PCDHGA4: variants seen among roughly 807,000 people sequenced by gnomAD.
PCDHGA4 encodes protocadherin gamma subfamily A, 4.
In PCDHGA4, 38 loss-of-function variants were observed where a neutral mutation model predicts 54.6. The ratio of observed to expected loss-of-function variants is 0.70; its 90% CI spans 0.54 to 0.91. The LOEUF (loss-of-function observed/expected upper bound fraction) is 0.91, where lower values mean the gene tolerates loss of function less well. Ranked by LOEUF, PCDHGA4 falls within the 40% of genes least tolerant of loss-of-function variation. The pLI is 0.00. For synonymous variants in PCDHGA4, 511 were observed against 512.9 expected (o/e 1.00, Z 0.05); for missense variants, 1,298 against 1,220.9 (o/e 1.06, Z -0.94).
chr5:141,444,194 G>A (rs1209269773), intron 1 of PCDHGA4, among the ~76,000 whole-genome samples: 1 of 67,352 alleles, frequency 1.5e-5, no homozygotes, highest in Non-Finnish European at 2.7e-5. Flanking sequence ...TTTTTGAGAT[G>A]GAGTTTCACT....
At chr5:141,403,378 T>G in intron 1 of PCDHGA4, 5 of 1,614,002 alleles carry the variant, frequency 3.1e-6, no homozygotes, top group Non-Finnish European at 4.2e-6. Context: ...AAGTAAAAAT[T>G]AACGAAATCG....
Position 141,477,289 on chromosome 5 carries a change from T to G in PCDHGA4, c.2515-17518T>G, listed in dbSNP as rs759477848. On this transcript the variant is annotated intron_variant, in intron 1 of 3. Coordinates refer to ENST00000571252, the MANE Select transcript of PCDHGA4 (RefSeq NM_018917.4). The surrounding 1 kb of genome is among the most constrained non-coding windows in gnomAD (Gnocchi z 4.9). ...AGAACGGGCTGGTGACCTGCGAAGT[T>G]CCACCGGGTCTCCCTTTCAGCCTTA... The G allele has an allele frequency of 3.2e-5, 52 of 1,614,046 alleles. No individual in the cohort carries two copies. Among genetic ancestry groups the G allele is most frequent in the Non-Finnish European group, 4.2e-5 (50 of 1,180,040 alleles).
At chr5:141,438,957 CACCCTGCCA>C (rs1022731551) in intron 1 of PCDHGA4, among the ~76,000 whole-genome samples, 2 of 152,144 alleles carry the variant, frequency 1.3e-5, no homozygotes, top group East Asian at 3.9e-4. Flanking sequence ...TGAGCCACCG[CACCCTGCCA>C]ACTGTCTGAC....
intron 1 of PCDHGA4, chr5:141,387,798 G>T: frequency 6.6e-7 from 1 of 1,505,108 alleles, no homozygotes; most frequent in Non-Finnish European, 8.9e-7. Context: ...ACTAAAGTCC[G>T]TTCGGAGATC....
chr5:141,394,150 A>C (rs781168813), intron 1 of PCDHGA4: 2 of 1,613,798 alleles, frequency 1.2e-6, no homozygotes, highest in East Asian at 4.5e-5. Context: ...GCAGACATTA[A>C]CGACAACCCT....
chr5:141,359,010 G>A (rs1338190636), intron 1 of PCDHGA4, among the ~76,000 whole-genome samples: 1 of 152,238 alleles, frequency 6.6e-6, no homozygotes, highest in Admixed American at 6.5e-5. Context: ...ACAAATTAGT[G>A]TAATTTGATA....
At chr5:141,412,273 C>T (rs1007252273) in intron 1 of PCDHGA4, 4 of 152,206 alleles carry the variant, frequency 2.6e-5, no homozygotes, top group Admixed American at 6.5e-5. Flanking sequence ...ACTTTTAGTA[C>T]TTCAAATTCT....
At chr5:141,362,367 T>G (rs766511645) in intron 1 of PCDHGA4, 1 of 1,614,012 alleles carries the variant, frequency 6.2e-7, no homozygotes, top group South Asian at 1.1e-5. Flanking sequence ...CCAATTACAG[T>G]GAGGGTACAT....
At chr5:141,452,281 T>G (rs948141174) in intron 1 of PCDHGA4, among the ~76,000 whole-genome samples, 2 of 152,232 alleles carry the variant, frequency 1.3e-5, no homozygotes, top group Non-Finnish European at 2.9e-5. Flanking sequence ...CCTTTCTTAC[T>G]TTCTGATATA....
At chr5:141,400,250 C>T (rs2093990136) in intron 1 of PCDHGA4, 1 of 1,614,066 alleles carries the variant, frequency 6.2e-7, no homozygotes, top group Non-Finnish European at 8.5e-7. Flanking sequence ...CTGGCCGTTG[C>T]CTTGCGCCTG....
chr5:141,426,371 C>T (rs987346395), intron 1 of PCDHGA4: 4 of 217,048 alleles, frequency 1.8e-5, no homozygotes, highest in African/African-American at 9.0e-5. Context: ...TGCGGGGCAC[C>T]CTCGGAGCAG....
chr5:141,495,469 C>G (rs1398171981), intron 2 of PCDHGA4, among the ~76,000 whole-genome samples: 1 of 152,220 alleles, frequency 6.6e-6, no homozygotes, highest in Non-Finnish European at 1.5e-5. Flanking sequence ...TGTGGGGTCT[C>G]CGTGTCTCTG....
At chr5:141,364,871 G>C (rs775321480) in intron 1 of PCDHGA4, 2 of 1,614,010 alleles carry the variant, frequency 1.2e-6, no homozygotes, top group Non-Finnish European at 1.7e-6. Context: ...CTTCTCTCTG[G>C]ATGTGGTAAG....
At chr5:141,466,763 C>T (rs960940073) in intron 1 of PCDHGA4, among the ~76,000 whole-genome samples, 31 of 152,272 alleles carry the variant, frequency 2.0e-4, no homozygotes, top group Middle Eastern at 6.8e-3. Context: ...TCTTTTCAAA[C>T]TGTTATCTTA....
rs1454432396 is a variant in PCDHGA4 at position 141,388,086 on chromosome 5, G to T, written c.2514+30465G>T. 2.9e-6 allele frequency: 4 copies of T among 1,368,264 alleles called. No individual in the cohort carries two copies. Among genetic ancestry groups the T allele is most frequent in the Admixed American group, 2.0e-5 (1 of 48,944 alleles). The allele number at this position is 1,368,264 out of a possible 1,614,324, so 84.8% of individuals were successfully genotyped here. On this transcript the variant is annotated intron_variant, in intron 1 of 3. Coordinates refer to ENST00000571252, the MANE Select transcript of PCDHGA4 (RefSeq NM_018917.4). ...GGAGTTACCGACTCGAAAACTGCGCGTCAGTTCGGAGAAGCCTTACTTCAC... is the reference window on the plus strand; with the variant it reads ...GGAGTTACCGACTCGAAAACTGCGCTTCAGTTCGGAGAAGCCTTACTTCAC...
chr5:141,414,000 A>C (rs759228883), intron 1 of PCDHGA4: 20 of 1,613,400 alleles, frequency 1.2e-5, no homozygotes, highest in Non-Finnish European at 1.6e-5. Flanking sequence ...ACAGGGACGA[A>C]GGTGCCAATG....
At chr5:141,444,255 T>G (rs764607115) in intron 1 of PCDHGA4, among the ~76,000 whole-genome samples, 8 of 130,834 alleles carry the variant, frequency 6.1e-5, no homozygotes, top group Non-Finnish European at 1.2e-4. Context: ...CACTGCAACC[T>G]CCGCCTCCCA....
At chr5:141,377,524 G>A (rs574411289) in intron 1 of PCDHGA4, 3 of 151,920 alleles carry the variant, frequency 2.0e-5, no homozygotes, top group Admixed American at 6.6e-5. Context: ...TAAGTCCAGG[G>A]GTATGAGGCT....
intron 1 of PCDHGA4, among the ~76,000 whole-genome samples, chr5:141,406,446 CTA>C: frequency 6.6e-6 from 1 of 152,200 alleles, no homozygotes; most frequent in Non-Finnish European, 1.5e-5. Context: ...TCTTCCATTT[CTA>C]TGACAGGAAA....
Sources: gnomAD v4.1 joint callset for allele counts (sites outside exome capture counted in the v4.1 genomes callset) on GRCh38, gnomAD v4.1.1 for gene constraint, Gnocchi (gnomAD v3.1) non-coding constraint, MANE v1.5 for transcripts, NCBI Gene and HGNC (gene_info 2026-07-23, HGNC 2026-07-21) for gene names.